CCSER1: variants seen among roughly 807,000 people sequenced by gnomAD.
CCSER1 encodes serine-rich coiled-coil domain-containing protein 1.
In CCSER1, 41 loss-of-function variants were observed where a neutral mutation model predicts 82.0. The observed-to-expected ratio is 0.50, with a 90% CI of 0.39 to 0.65. CCSER1 has a LOEUF of 0.65. Ranked by LOEUF, CCSER1 falls within the 30% of genes least tolerant of loss-of-function variation. CCSER1 has a pLI of 0.00. For synonymous variants in CCSER1, 414 were observed against 383.9 expected (o/e 1.08, Z -0.92); for missense variants, 1,119 against 1,064.2 (o/e 1.05, Z -0.72).
chr4:91,099,102 G>A (rs1338139674), intron 10 of CCSER1, among the ~76,000 whole-genome samples: 1 of 152,026 alleles, frequency 6.6e-6, no homozygotes, highest in Non-Finnish European at 1.5e-5. Flanking sequence ...GATAATTTTT[G>A]TGCAAAACTT....
chr4:90,509,854 A>G (rs1771229881), intron 5 of CCSER1, among the ~76,000 whole-genome samples: 1 of 152,304 alleles, frequency 6.6e-6, no homozygotes, highest in Admixed American at 6.5e-5. Flanking sequence ...ATAGAACTAA[A>G]TATTTGGGTT....
intron 9 of CCSER1, among the ~76,000 whole-genome samples, chr4:90,924,720 G>GCAACAAAAAACAACA (rs2150256130): frequency 6.6e-6 from 1 of 152,140 alleles, no homozygotes; most frequent in South Asian, 2.1e-4. Flanking sequence ...GTTTTTTGTT[G>GCAACAAAAAACAACA]TTGTTGTTTG....
At chr4:90,871,457 A>G (rs565065042) in intron 8 of CCSER1, among the ~76,000 whole-genome samples, 1 of 151,840 alleles carries the variant, frequency 6.6e-6, no homozygotes, top group East Asian at 1.9e-4. Context: ...TTTAATTTCC[A>G]TGGGCTTGTG....
chr4:91,057,769 A>G (rs1743582678), intron 9 of CCSER1, among the ~76,000 whole-genome samples: 1 of 152,142 alleles, frequency 6.6e-6, no homozygotes, highest in African/African-American at 2.4e-5. Context: ...AATGATTATC[A>G]TTTTATGCAA....
intron 5 of CCSER1, among the ~76,000 whole-genome samples, chr4:90,623,023 ATTTTTT>A (rs35838784): frequency 0.016 from 1,811 of 112,618 alleles, 37 homozygotes; most frequent in African/African-American, 0.06. Flanking sequence ...TGGGTAAAGG[ATTTTTT>A]TTTTTTTTTT....
chr4:91,079,385 G>C (rs1410710379), intron 9 of CCSER1, among the ~76,000 whole-genome samples: 1 of 152,170 alleles, frequency 6.6e-6, no homozygotes, highest in South Asian at 2.1e-4. Context: ...GAGAGATTTT[G>C]TCACCATCAG....
intron 10 of CCSER1, among the ~76,000 whole-genome samples, chr4:91,247,756 C>T (rs955815671): frequency 6.6e-6 from 1 of 152,132 alleles, no homozygotes; most frequent in African/African-American, 2.4e-5. Flanking sequence ...GCAGTCCCAG[C>T]TACTTGGGAG....
At chr4:91,405,133 C>A (rs1752612307) in intron 10 of CCSER1, among the ~76,000 whole-genome samples, 1 of 151,950 alleles carries the variant, frequency 6.6e-6, no homozygotes, top group African/African-American at 2.4e-5. Flanking sequence ...TGAATTGATC[C>A]CTTTACCATT....
At chr4:90,576,004 A>G (rs1295909967) in intron 5 of CCSER1, among the ~76,000 whole-genome samples, 1 of 151,782 alleles carries the variant, frequency 6.6e-6, no homozygotes, top group Admixed American at 6.6e-5. Context: ...CAGTTTTCAT[A>G]TCTCCGAAAT....
chr4:91,439,775 C>T (rs562639092), intron 10 of CCSER1, among the ~76,000 whole-genome samples: 60 of 151,958 alleles, frequency 3.9e-4, no homozygotes, highest in Admixed American at 3.7e-3. Context: ...GAAGATCTAC[C>T]AAGCAAATGG....
intron 7 of CCSER1, among the ~76,000 whole-genome samples, chr4:90,749,402 T>C (rs909961773): frequency 1.3e-5 from 2 of 151,822 alleles, no homozygotes; most frequent in African/African-American, 4.8e-5. Context: ...TCTATATCTC[T>C]GTTTTGGTAC....
chr4:90,312,446 C>T (rs1389516870), intron 2 of CCSER1, among the ~76,000 whole-genome samples: 1 of 152,078 alleles, frequency 6.6e-6, no homozygotes, highest in African/African-American at 2.4e-5. Context: ...GTATATGATT[C>T]TGGCTACTAT....
At chr4:91,177,567 A>T (rs1178234547) in intron 10 of CCSER1, among the ~76,000 whole-genome samples, 1 of 152,060 alleles carries the variant, frequency 6.6e-6, no homozygotes, top group African/African-American at 2.4e-5. Context: ...TGTGTCCAGG[A>T]ATTTTTCCAT....
chr4:91,561,379 G>C (rs780033383), intron 10 of CCSER1, among the ~76,000 whole-genome samples: 5 of 151,030 alleles, frequency 3.3e-5, no homozygotes, highest in Non-Finnish European at 5.9e-5. Context: ...TTTTTCCTGG[G>C]GTTCTCTATT....
intron 3 of CCSER1, among the ~76,000 whole-genome samples, chr4:90,314,343 G>A (rs6853970): frequency 0.075 from 11,395 of 152,122 alleles, 1,205 homozygotes; most frequent in African/African-American, 0.24. Context: ...ATATGTTAAA[G>A]CGGATTTCCA....
chr4:91,504,238 A>G (rs1232012621), intron 10 of CCSER1, among the ~76,000 whole-genome samples: 2 of 152,168 alleles, frequency 1.3e-5, no homozygotes, highest in African/African-American at 4.8e-5. Flanking sequence ...TATACATTTG[A>G]GAGTCAAAAG....
In CCSER1 at chr4:90,276,314, T is replaced by C. The variant is rs1384201534; in HGVS notation, c.-41-31930T>C. Among the ~76,000 whole-genome samples, 102 of 129,554 alleles carry C rather than the reference T, an allele frequency of 7.9e-4. 2 individuals carry two copies. The highest frequency in any genetic ancestry group is 2.3e-3 in the African/African-American group (70 of 30,108). The allele number at this position is 129,554 out of a possible 152,430, so 85.0% of individuals were successfully genotyped here. Reference sequence around the variant, plus strand: ...TCCTTCCTTCCTTCCTTCCTTTCTTTCTTTTTCTTTCTTTCTTTCTTTCTT... The same window carrying C: ...TCCTTCCTTCCTTCCTTCCTTTCTTCCTTTTTCTTTCTTTCTTTCTTTCTT... On this transcript the variant is annotated intron_variant, in intron 1 of 10. Transcript: ENST00000509176.
At chr4:90,823,425 C>G (rs946337053) in intron 8 of CCSER1, among the ~76,000 whole-genome samples, 5 of 152,080 alleles carry the variant, frequency 3.3e-5, no homozygotes, top group Non-Finnish European at 5.9e-5. Flanking sequence ...GATCTTAAGT[C>G]AGAACCTTCC....
chr4:91,083,735 A>G (rs35197502), intron 9 of CCSER1, among the ~76,000 whole-genome samples: 50,839 of 151,980 alleles, frequency 0.33, 8,950 homozygotes, highest in South Asian at 0.43. Context: ...ACTGAATGGG[A>G]TTAAAAGCAG....
Sources: allele counts gnomAD v4.1 joint callset (sites outside exome capture counted in the v4.1 genomes callset), GRCh38; gene constraint gnomAD v4.1.1; transcripts MANE v1.5; gene names NCBI Gene and HGNC (gene_info 2026-07-23, HGNC 2026-07-21).